The following M1AP variants were observed in gnomAD, a reference collection of about 807,000 sequenced individuals.
M1AP encodes meiosis 1 arrest protein.
A neutral mutation model predicts 51.2 loss-of-function variants in M1AP; 39 were observed. The observed-to-expected ratio is 0.76, with a 90% CI of 0.59 to 1.00. The LOEUF (loss-of-function observed/expected upper bound fraction) is 1.00. M1AP is among the 50% of genes least tolerant of loss of function. M1AP has a pLI of 0.00. For missense variants in M1AP, 545 were observed against 641.2 expected, an observed-to-expected ratio of 0.85 and a Z score of 1.62; for synonymous variants, 251 against 249.2, an observed-to-expected ratio of 1.01 and a Z score of -0.07.
intron 2 of M1AP, among the ~76,000 whole-genome samples, chr2:74,625,765 T>C (rs955185147): frequency 1.3e-5 from 2 of 152,224 alleles, no homozygotes; most frequent in African/African-American, 4.8e-5. Context: ...TAGCCCTGCC[T>C]GGCCTAGTAA....
chr2:74,610,664 C>T (rs561765562), intron 3 of M1AP, among the ~76,000 whole-genome samples: 1 of 151,974 alleles, frequency 6.6e-6, no homozygotes, highest in Non-Finnish European at 1.5e-5. Context: ...CTATGTTGTC[C>T]AGGCCAGTCT....
Position 74,640,487 on chromosome 2 carries a change from A to G in M1AP, c.-52-160T>C, listed in dbSNP as rs536035128. 2.5e-4 allele frequency among the ~76,000 whole-genome samples: 37 copies of G among 149,906 alleles called. 1 individual carries two copies. The East Asian group carries it at 7.2e-3, about 29-fold the overall frequency. ...TATTTTTTTTTTTTTTTTGAGACAGAGTCTCGGTATGTCACCAGGCTGGAG... is the reference window on the plus strand; with the variant it reads ...TATTTTTTTTTTTTTTTTGAGACAGGGTCTCGGTATGTCACCAGGCTGGAG... On this transcript the variant is annotated intron_variant, in intron 1 of 10. Coordinates refer to ENST00000421985, the MANE Select transcript of M1AP (RefSeq NM_001321739.2).
intron 2 of M1AP, among the ~76,000 whole-genome samples, chr2:74,629,753 A>C (rs934870081): frequency 1.3e-5 from 2 of 149,532 alleles, no homozygotes. Context: ...TTCTGTCTCA[A>C]AAAAAAAAAA....
At chr2:74,645,973 T>C (rs1316815336) in intron 1 of M1AP, among the ~76,000 whole-genome samples, 1 of 152,232 alleles carries the variant, frequency 6.6e-6, no homozygotes, top group East Asian at 1.9e-4. Flanking sequence ...TCAGTTACCA[T>C]GGAATATTAA....
chr2:74,615,193 G>C, intron 2 of M1AP, 44 bp from the exon 3 acceptor site: 3 of 1,544,284 alleles, frequency 1.9e-6, no homozygotes, highest in Non-Finnish European at 2.7e-6. Context: ...TTAGGGACCA[G>C]GTTTCAGATT....
At chr2:74,561,232 A>AAGGAGGAGGAGGAGAAGGAGG (rs1677977819) in intron 8 of M1AP, among the ~76,000 whole-genome samples, 3 of 34,228 alleles carry the variant, frequency 8.8e-5, no homozygotes, top group African/African-American at 2.6e-4. Context: ...GGAGGAGGAG[A>AAGGAGGAGGAGGAGAAGGAGG]AGGAGGAGGA....
intron 4 of M1AP, among the ~76,000 whole-genome samples, chr2:74,600,647 C>T (rs1680622276): frequency 6.6e-6 from 1 of 152,076 alleles, no homozygotes; most frequent in South Asian, 2.1e-4. Flanking sequence ...CAGACAGTTC[C>T]TAGTTCTCCT....
At chr2:74,588,906 G>A (rs997164020) in intron 4 of M1AP, among the ~76,000 whole-genome samples, 2 of 152,180 alleles carry the variant, frequency 1.3e-5, no homozygotes, top group Non-Finnish European at 2.9e-5. Flanking sequence ...TGTCTTTTAT[G>A]AGCTAGGCAC....
In M1AP at chr2:74,558,513, G is replaced by C. The variant is rs1457240373; in HGVS notation, c.*203C>G. On this transcript the variant is annotated 3_prime_UTR_variant, in exon 11 of 11. Transcript: ENST00000421985. ...AAAGAAAATGAAAGTCCTTGCTGGA[G>C]AAAGGACAGGCTCGGGTGTGTCGCT... 5.4e-6 allele frequency: 3 copies of C among 558,026 alleles called. No homozygotes were observed. The highest frequency in any genetic ancestry group is 9.2e-6 in the Non-Finnish European group (3 of 324,644). 34.6% of individuals were successfully genotyped at this position (558,026 alleles called of 1,614,324 possible). A position where few individuals can be genotyped will look rare whatever the true frequency, so the allele number is the denominator to read the frequency against.
chr2:74,601,136 AATTT>A (rs1475100378), intron 4 of M1AP, among the ~76,000 whole-genome samples: 1 of 152,148 alleles, frequency 6.6e-6, no homozygotes, highest in African/African-American at 2.4e-5. Context: ...ATAAATGAGA[AATTT>A]GTGGAATAAA....
intron 2 of M1AP, among the ~76,000 whole-genome samples, chr2:74,628,173 A>C (rs1682508454): frequency 6.6e-6 from 1 of 152,196 alleles, no homozygotes; most frequent in African/African-American, 2.4e-5. Flanking sequence ...ACAATACGAA[A>C]ACTACTTTTC....
At chr2:74,562,708 G>C (rs1382239474) in intron 7 of M1AP, among the ~76,000 whole-genome samples, 1 of 152,174 alleles carries the variant, frequency 6.6e-6, no homozygotes. Context: ...TCATCCCAGA[G>C]GGGCCTACCA....
At chr2:74,610,391 T>C (rs1681266376) in intron 3 of M1AP, among the ~76,000 whole-genome samples, 1 of 152,186 alleles carries the variant, frequency 6.6e-6, no homozygotes, top group Non-Finnish European at 1.5e-5. Context: ...TTTGCTTTTG[T>C]TGCCTGTGCT....
chr2:74,594,760 C>T (rs1680233734), intron 4 of M1AP, among the ~76,000 whole-genome samples: 2 of 151,992 alleles, frequency 1.3e-5, no homozygotes, highest in South Asian at 4.2e-4. Flanking sequence ...GCCTGTGGTC[C>T]CAGCTACTTG....
chr2:74,577,894 T>C (rs1204289460), intron 5 of M1AP, among the ~76,000 whole-genome samples: 1 of 152,184 alleles, frequency 6.6e-6, no homozygotes, highest in Non-Finnish European at 1.5e-5. Flanking sequence ...CCTCAATCAT[T>C]TTGGCATTAG....
chr2:74,566,077 G>A (rs1244564178), intron 7 of M1AP, among the ~76,000 whole-genome samples: 1 of 152,170 alleles, frequency 6.6e-6, no homozygotes. Flanking sequence ...ATTGTCCTGG[G>A]AGGTGTGCTG....
intron 2 of M1AP, among the ~76,000 whole-genome samples, chr2:74,634,499 C>T (rs1246890608): frequency 6.6e-6 from 1 of 152,182 alleles, no homozygotes; most frequent in Non-Finnish European, 1.5e-5. Context: ...ATCACATCAT[C>T]CACAAACCGG....
rs763019059 is a variant in M1AP at position 74,560,191 on chromosome 2, C to T, written c.1382G>A (p.Gly461Glu). 1.2e-6 allele frequency: 2 copies of T among 1,613,916 alleles called. No homozygotes were observed. Among genetic ancestry groups the T allele is most frequent in the East Asian group, 2.2e-5 (1 of 44,874 alleles). Residue 461 changes from glycine to glutamate, a missense_variant, in exon 9 of 11, where the codon GGG (glycine) becomes GAG (glutamate). Physicochemically the swap from Gly to Glu is moderately conservative, Grantham distance 98. Coordinates refer to ENST00000421985, the MANE Select transcript of M1AP (RefSeq NM_001321739.2). Reference protein sequence around the residue: ...HLSSIYAKPQGRLHPHWESRA... With the variant: ...HLSSIYAKPQERLHPHWESRA... ...GCTCTCCCAGTGTGGGTGGAGCCGC[C>T]CCTGAGGCTTGGCATAGATGCTGCT...
At chr2:74,609,261 T>C (rs1360644251) in intron 3 of M1AP, among the ~76,000 whole-genome samples, 34 of 152,194 alleles carry the variant, frequency 2.2e-4, no homozygotes, top group Admixed American at 2.2e-3. Context: ...TCTGTACTTC[T>C]ATGAGATCAA....
Sources: allele counts gnomAD v4.1 joint callset (sites outside exome capture counted in the v4.1 genomes callset), GRCh38; gene constraint gnomAD v4.1.1; transcripts MANE v1.5; gene names NCBI Gene and HGNC (gene_info 2026-07-23, HGNC 2026-07-21).